The following GRM8 variants were observed in gnomAD, a reference collection of about 807,000 sequenced individuals.
GRM8 encodes glutamate metabotropic receptor 8, also known as metabotropic glutamate receptor 8.
Under a neutral mutation model 87.2 loss-of-function variants are expected in GRM8, and 47 were observed. The ratio of observed to expected loss-of-function variants is 0.54; its 90% confidence interval spans 0.43 to 0.69. GRM8 has a LOEUF of 0.69. Ranked by LOEUF, GRM8 falls within the 30% of genes least tolerant of loss-of-function variation. The pLI, the probability that GRM8 is intolerant of heterozygous loss-of-function variation, is 0.00. For synonymous variants in GRM8, 396 were observed against 404.5 expected, an observed-to-expected ratio of 0.98 and a Z score of 0.25; for missense variants, 1,019 against 1,139.2, an observed-to-expected ratio of 0.89 and a Z score of 1.52.
chr7:126,532,768 T>TAG (rs1815038259), intron 9 of GRM8, among the ~76,000 whole-genome samples, 184 bp downstream of exon 9: 1 of 5,010 alleles, frequency 2.0e-4, no homozygotes, highest in Non-Finnish European at 3.7e-4. Context: ...GATGGAGATA[T>TAG]ATATATATAT....
chr7:126,752,316 T>C (rs80172245), intron 7 of GRM8, among the ~76,000 whole-genome samples: 14,045 of 152,016 alleles, frequency 0.092, 827 homozygotes, highest in South Asian at 0.18. Context: ...TAAAAAAAAA[T>C]GACTATGAAA....
chr7:126,596,646 G>A (rs1397402641), intron 8 of GRM8, among the ~76,000 whole-genome samples: 2 of 152,152 alleles, frequency 1.3e-5, no homozygotes, highest in South Asian at 2.1e-4. Flanking sequence ...TAACAGAAAT[G>A]TTCTGTATGT....
intron 7 of GRM8, among the ~76,000 whole-genome samples, chr7:126,733,684 T>C (rs1030069524): frequency 2.0e-5 from 3 of 152,022 alleles, no homozygotes; most frequent in Non-Finnish European, 4.4e-5. Context: ...TACATCATCA[T>C]GTTGATAGGT....
intron 9 of GRM8, among the ~76,000 whole-genome samples, chr7:126,482,422 T>C (rs181201272): frequency 7.1e-4 from 108 of 151,970 alleles, no homozygotes; most frequent in African/African-American, 2.5e-3. Context: ...GACAGATGAA[T>C]GGAAAAACAA....
chr7:126,823,148 G>A lies in GRM8; in HGVS notation c.1157-53083C>T, dbSNP rs190800497. On this transcript the variant is annotated intron_variant, in intron 6 of 10. Coordinates refer to ENST00000339582, the MANE Select transcript of GRM8 (RefSeq NM_000845.3). ...ATAAGATTTTATTAATGCAGTCTAAGCCTGCAATTAGATTTTGTGATAGTC... is the reference window on the plus strand; with the variant it reads ...ATAAGATTTTATTAATGCAGTCTAAACCTGCAATTAGATTTTGTGATAGTC... 3.4e-3 allele frequency among the ~76,000 whole-genome samples: 514 copies of A among 152,316 alleles called. 2 individuals carry two copies. The highest frequency in any genetic ancestry group is 5.8e-3 in the Non-Finnish European group (393 of 68,022).
intron 3 of GRM8, among the ~76,000 whole-genome samples, chr7:126,913,113 A>G (rs1803491980): frequency 6.6e-6 from 1 of 152,230 alleles, no homozygotes; most frequent in Non-Finnish European, 1.5e-5. Context: ...ACAAGAAACA[A>G]TGTCACAGCA....
At chr7:126,576,117 G>A (rs1795095636) in intron 8 of GRM8, among the ~76,000 whole-genome samples, 1 of 152,162 alleles carries the variant, frequency 6.6e-6, no homozygotes, top group Non-Finnish European at 1.5e-5. Context: ...CATGTAGACA[G>A]GGCCCAGCAT....
At chr7:126,988,656 A>C (rs1812349557) in intron 3 of GRM8, among the ~76,000 whole-genome samples, 2 of 152,248 alleles carry the variant, frequency 1.3e-5, no homozygotes, top group Non-Finnish European at 2.9e-5. Context: ...ATTCAACAGC[A>C]TTATGCAATG....
chr7:127,195,033 T>C (rs972562087), intron 2 of GRM8, among the ~76,000 whole-genome samples: 2 of 152,176 alleles, frequency 1.3e-5, no homozygotes, highest in African/African-American at 2.4e-5. Flanking sequence ...AGTGATCTTA[T>C]TATAGATCAC....
At chr7:126,504,779 A>AT (rs1810188697) in intron 9 of GRM8, among the ~76,000 whole-genome samples, 1 of 151,926 alleles carries the variant, frequency 6.6e-6, no homozygotes, top group Non-Finnish European at 1.5e-5. Context: ...GCCCCTGAAT[A>AT]TTTTTTCCAG....
chr7:126,477,595 GAA>G (rs375479444), intron 9 of GRM8, among the ~76,000 whole-genome samples: 907 of 56,760 alleles, frequency 0.016, 10 homozygotes, highest in African/African-American at 0.036. Flanking sequence ...AAGAAAGAAA[GAA>G]AGAAAGAAAG....
intron 7 of GRM8, among the ~76,000 whole-genome samples, chr7:126,640,453 A>C (rs1802261117): frequency 6.6e-6 from 1 of 152,212 alleles, no homozygotes; most frequent in Non-Finnish European, 1.5e-5. Flanking sequence ...GTTTGAGATG[A>C]AATCAACTAC....
chr7:127,155,290 T>A (rs1288845189), intron 2 of GRM8, among the ~76,000 whole-genome samples: 1 of 152,182 alleles, frequency 6.6e-6, no homozygotes, highest in Non-Finnish European at 1.5e-5. Flanking sequence ...CTGATCTAAC[T>A]CAGCACAGCA....
chr7:126,568,045 T>C (rs963944533), intron 8 of GRM8, among the ~76,000 whole-genome samples: 10 of 152,192 alleles, frequency 6.6e-5, no homozygotes, highest in African/African-American at 2.2e-4. Flanking sequence ...ATCTTGTTTA[T>C]ATCTCCAACA....
chr7:127,125,510 A>C (rs961410476), intron 2 of GRM8, among the ~76,000 whole-genome samples: 1 of 152,042 alleles, frequency 6.6e-6, no homozygotes, highest in Non-Finnish European at 1.5e-5. Flanking sequence ...GGATACAAAA[A>C]TACTAGAAGA....
At chr7:127,207,830 A>T (rs912887331) in intron 2 of GRM8, among the ~76,000 whole-genome samples, 2 of 152,196 alleles carry the variant, frequency 1.3e-5, no homozygotes, top group Non-Finnish European at 2.9e-5. Context: ...GCAATAAGAT[A>T]CCAAATTATA....
intron 8 of GRM8, among the ~76,000 whole-genome samples, chr7:126,547,565 T>C (rs1312293567): frequency 2.6e-5 from 4 of 151,726 alleles, no homozygotes; most frequent in Non-Finnish European, 5.9e-5. Flanking sequence ...ATAGAATAAT[T>C]TGAAGGTAAA....
intron 3 of GRM8, among the ~76,000 whole-genome samples, chr7:126,941,971 C>T (rs1806994912): frequency 6.6e-6 from 1 of 152,188 alleles, no homozygotes. Flanking sequence ...TGCACTTTGG[C>T]ATACCTTTCT....
At chr7:126,555,633 G>A (rs986346802) in intron 8 of GRM8, among the ~76,000 whole-genome samples, 12 of 152,074 alleles carry the variant, frequency 7.9e-5, no homozygotes, top group Non-Finnish European at 1.5e-4. Flanking sequence ...AATTTATTAC[G>A]AGGGTTTCTG....
Sources: gnomAD v4.1 joint callset for allele counts (sites outside exome capture counted in the v4.1 genomes callset) on GRCh38, gnomAD v4.1.1 for gene constraint, MANE v1.5 for transcripts, NCBI Gene and HGNC (gene_info 2026-07-23, HGNC 2026-07-21) for gene names.